Variants in PFKFB3 observed in about 807,000 individuals in gnomAD.
The protein encoded by PFKFB3 is 6-phosphofructo-2-kinase/fructose-2,6-bisphosphatase 3.
Under a neutral mutation model 68.0 loss-of-function variants are expected in PFKFB3, and 33 were observed. The observed-to-expected ratio is 0.49, with a 90% CI of 0.37 to 0.65. The LOEUF is 0.65. Among genes scored for constraint, PFKFB3 ranks in the 30% least tolerant of loss-of-function variants. The probability of loss-of-function intolerance (pLI) is 0.00; values close to 1 mark genes in which losing one functional copy is unlikely to be tolerated. For synonymous variants in PFKFB3, 315 were observed against 288.2 expected (o/e 1.09, Z -0.94); for missense variants, 586 against 712.2 (o/e 0.82, Z 2.02).
chr10:6,209,247 G>C (rs1440798788), intron 1 of PFKFB3, among the ~76,000 whole-genome samples: 2 of 152,148 alleles, frequency 1.3e-5, no homozygotes, highest in Non-Finnish European at 2.9e-5. Context: ...TGTTTAGTCT[G>C]TTACCCAGGG....
At chr10:6,299,483 G>A in the PFKFB3 span, among the ~76,000 whole-genome samples, 9 of 152,304 alleles carry the variant, frequency 5.9e-5, no homozygotes, top group South Asian at 1.2e-3. Flanking sequence ...TCAGTGTGCC[G>A]TGAGTCACAG....
chr10:6,205,974 A>T (rs201231041), intron 1 of PFKFB3, among the ~76,000 whole-genome samples: 89 of 146,086 alleles, frequency 6.1e-4, no homozygotes, highest in Middle Eastern at 3.4e-3. Context: ...ATTAAAAAAA[A>T]TTTTTTTTTT....
At chr10:6,225,616 C>G (rs536086340) in intron 13 of PFKFB3, among the ~76,000 whole-genome samples, 10 of 152,338 alleles carry the variant, frequency 6.6e-5, no homozygotes, top group African/African-American at 2.4e-4. Context: ...AGGGCTGTGT[C>G]TGGTCCTGGC....
intron 1 of PFKFB3, among the ~76,000 whole-genome samples, chr10:6,208,144 G>A (rs552983388): frequency 1.2e-3 from 185 of 152,204 alleles, no homozygotes; most frequent in Non-Finnish European, 1.5e-3. Context: ...GTGCAATCAC[G>A]TCTCATTGAA....
At position 6,249,928 on chromosome 10, in the gene PFKFB3, A is replaced by G. The variant is rs368821237; in HGVS notation, c.1516-4250A>G. Among the ~76,000 whole-genome samples the G allele has an allele frequency of 2.0e-5, 3 of 152,330 alleles. No homozygotes were observed. The East Asian group carries it at 5.8e-4, about 29-fold the overall frequency. On this transcript the variant is annotated intron_variant, in intron 14 of 14. Coordinates refer to the PFKFB3 transcript ENST00000640683. ...CCACATTGTATTCATAAATCTAAAC[A>G]AGACTTTGTACCCTAGCCATATATA...
chr10:6,247,680 T>C (rs1006376911), intron 14 of PFKFB3, among the ~76,000 whole-genome samples: 1 of 152,196 alleles, frequency 6.6e-6, no homozygotes, highest in Non-Finnish European at 1.5e-5. Context: ...CCCTGACCCA[T>C]TCCACTTCCG....
At chr10:6,246,966 G>A (rs1389312543) in intron 14 of PFKFB3, among the ~76,000 whole-genome samples, 1 of 152,196 alleles carries the variant, frequency 6.6e-6, no homozygotes, top group Non-Finnish European at 1.5e-5. Context: ...GGCTGGTGCG[G>A]CGCCCTTGCC....
At chr10:6,306,028 TTTTTTA>T in the PFKFB3 span, among the ~76,000 whole-genome samples, 5 of 152,192 alleles carry the variant, frequency 3.3e-5, no homozygotes, top group Admixed American at 6.5e-5. Context: ...CTCCTTCCTC[TTTTTTA>T]TTTTTAGAGA....
At chr10:6,145,949 C>T (rs1040894893) in intron 1 of PFKFB3, among the ~76,000 whole-genome samples, 8 of 152,206 alleles carry the variant, frequency 5.3e-5, no homozygotes, top group East Asian at 1.9e-4. Context: ...CTCAAAGACC[C>T]GGGAGAGAAG....
intron 8 of PFKFB3, among the ~76,000 whole-genome samples, chr10:6,221,121 TTGTA>T (rs775043454): frequency 5.3e-5 from 8 of 152,032 alleles, no homozygotes; most frequent in East Asian, 1.9e-4. Context: ...TTGTATGTGT[TTGTA>T]TGTGTGTCTC....
chr10:6,163,755 G>A (rs1842036108), intron 1 of PFKFB3: 1 of 151,840 alleles, frequency 6.6e-6, no homozygotes, highest in South Asian at 2.1e-4. Context: ...TGCGGCGCAC[G>A]AGCCGGTCAG....
chr10:6,246,097 T>C (rs1846252669), intron 14 of PFKFB3, among the ~76,000 whole-genome samples: 1 of 152,142 alleles, frequency 6.6e-6, no homozygotes, highest in South Asian at 2.1e-4. Context: ...GGTTGATCTC[T>C]GGTGATGGCC....
In PFKFB3 at chr10:6,228,694, GA is replaced by G. The variant is rs143364931; in HGVS notation, c.1515+2330del. Among the ~76,000 whole-genome samples the G allele has an allele frequency of 0.7, 105,748 of 151,790 alleles. 38,046 individuals carry two copies. The highest frequency in any genetic ancestry group is 0.8 in the Non-Finnish European group (54,054 of 67,928). ...AAACCAAACCTATGGGGAATAGTGG[GA>G]GTGTGGTGGGGCCTGAGCTCTGAGC... On this transcript the variant is annotated intron_variant, in intron 14 of 14. Transcript: ENST00000379775. The surrounding 1 kb of genome is among the most constrained non-coding windows in gnomAD (Gnocchi z 4.5).
At chr10:6,168,318 C>T (rs980578586) in intron 1 of PFKFB3, among the ~76,000 whole-genome samples, 2 of 152,202 alleles carry the variant, frequency 1.3e-5, no homozygotes. Context: ...GAATGTCCTG[C>T]CTCAGGCTGG....
the PFKFB3 span, among the ~76,000 whole-genome samples, chr10:6,262,466 A>AT: frequency 2.7e-5 from 4 of 146,036 alleles, no homozygotes; most frequent in African/African-American, 7.6e-5. Context: ...AAAAAAAAAA[A>AT]AAAAAAAAAA....
At chr10:6,267,589 GC>G in the PFKFB3 span, among the ~76,000 whole-genome samples, 1 of 152,088 alleles carries the variant, frequency 6.6e-6, no homozygotes, top group Non-Finnish European at 1.5e-5. Flanking sequence ...CTTCCTTTCA[GC>G]CCCTTCTACT....
the PFKFB3 span, among the ~76,000 whole-genome samples, chr10:6,268,811 C>G: frequency 6.6e-6 from 1 of 151,420 alleles, no homozygotes; most frequent in Non-Finnish European, 1.5e-5. Flanking sequence ...TGCTTGAGCC[C>G]AGGAGTTCGA....
At chr10:6,268,279 A>G in the PFKFB3 span, among the ~76,000 whole-genome samples, 1 of 152,178 alleles carries the variant, frequency 6.6e-6, no homozygotes, top group Non-Finnish European at 1.5e-5. Flanking sequence ...GAGATTGCGT[A>G]GAGGGTTTTT....
chr10:6,273,009 T>C, the PFKFB3 span, among the ~76,000 whole-genome samples: 1 of 144,130 alleles, frequency 6.9e-6, no homozygotes, highest in Non-Finnish European at 1.5e-5. Context: ...AGGCTTTTTT[T>C]TTTTTTTTTT....
Sources: gnomAD v4.1 joint callset for allele counts (sites outside exome capture counted in the v4.1 genomes callset) on GRCh38, gnomAD v4.1.1 for gene constraint, Gnocchi (gnomAD v3.1) non-coding constraint, MANE v1.5 for transcripts, NCBI Gene and HGNC (gene_info 2026-07-23, HGNC 2026-07-21) for gene names.